CACNA1B: variants seen among roughly 807,000 people sequenced by gnomAD.
CACNA1B encodes the protein voltage-dependent N-type calcium channel subunit alpha-1B.
In CACNA1B, 70 loss-of-function variants were observed where a neutral mutation model predicts 247.2. That is an observed-to-expected ratio of 0.28 (90% CI 0.23 to 0.35). The LOEUF (loss-of-function observed/expected upper bound fraction) is 0.35, where lower values mean the gene tolerates loss of function less well. Among genes scored for constraint, CACNA1B ranks in the 10% least tolerant of loss-of-function variants. The pLI, the probability that CACNA1B is intolerant of heterozygous loss-of-function variation, is 1.00. For synonymous variants in CACNA1B, 1,231 were observed against 1,294.4 expected, an observed-to-expected ratio of 0.95 and a Z score of 1.05; for missense variants, 2,367 against 3,197.4, an observed-to-expected ratio of 0.74 and a Z score of 6.26.
At position 138,038,736 on chromosome 9, in the gene CACNA1B, C is replaced by G. The variant is rs112998461; in HGVS notation, c.3287-5038C>G. On this transcript the variant is annotated intron_variant, in intron 20 of 46. Transcript: ENST00000371372. ...CCTCCCTGTCTTGCTTTTGTCTTCC[C>G]GTCTGGAAGCCCGTCTCACCTCACG... Among the ~76,000 whole-genome samples the G allele has an allele frequency of 9.3e-3, 1,419 of 152,316 alleles. 9 individuals carry two copies. The highest frequency in any genetic ancestry group is 0.012 in the South Asian group (60 of 4,826).
At position 138,058,696 on chromosome 9, in the gene CACNA1B, C is replaced by A; in HGVS notation, c.4436C>A (p.Ala1479Asp). Residue 1479 changes from alanine to aspartate, a missense_variant, in exon 29 of 47, where the codon GCC (alanine) becomes GAC (aspartate). Physicochemically the swap from Ala to Asp is moderately radical, Grantham distance 126. This residue lies in a region of CACNA1B where 436 missense variants were observed against 679.5 expected (regional missense o/e 0.64). Coordinates refer to ENST00000371372, the MANE Select transcript of CACNA1B (RefSeq NM_000718.4). This position sits in a 1 kb window ranked among gnomAD's most constrained non-coding sequence, Gnocchi z 4.7. The part of the protein sequence containing the change: ...VSPPFEYFIM[A>D]MIALNTVVLM... ...CCGCCCTTTGAATACTTCATCATGG[C>A]CATGATAGCCCTCAACACTGTGGTG... The A allele has an allele frequency of 1.9e-6, 3 of 1,610,934 alleles. No individual in the cohort carries two copies. The highest frequency in any genetic ancestry group is 2.5e-6 in the Non-Finnish European group (3 of 1,178,526).
Position 137,979,966 on chromosome 9 carries a change from T to A in CACNA1B, c.1656+3947T>A, listed in dbSNP as rs112019615. Among the ~76,000 whole-genome samples the A allele has an allele frequency of 9.1e-3, 1,393 of 152,336 alleles. 8 individuals carry two copies. Among genetic ancestry groups the A allele is most frequent in the South Asian group, 0.012 (59 of 4,822 alleles). ...GGATTCTGAAATCCAGCTGGGCACA[T>A]GCGGGAAAGTCTGGGATTCATTGTT... On this transcript the variant is annotated intron_variant, in intron 12 of 46. Coordinates refer to ENST00000371372, the MANE Select transcript of CACNA1B (RefSeq NM_000718.4).
chr9:137,904,753 G>T (rs903370406), intron 3 of CACNA1B, among the ~76,000 whole-genome samples: 2 of 151,954 alleles, frequency 1.3e-5, no homozygotes, highest in Non-Finnish European at 2.9e-5. Flanking sequence ...ATCCTGGGTT[G>T]GTTCTTAACC....
intron 36 of CACNA1B, among the ~76,000 whole-genome samples, chr9:138,092,934 A>G (rs759146012): frequency 1.3e-5 from 2 of 152,222 alleles, no homozygotes; most frequent in Non-Finnish European, 1.5e-5. Flanking sequence ...AACTTGCAGA[A>G]TCAGAGAAAA....
At chr9:137,992,820 A>G in intron 15 of CACNA1B, among the ~76,000 whole-genome samples, 1 of 151,764 alleles carries the variant, frequency 6.6e-6, no homozygotes, top group East Asian at 1.9e-4. Context: ...AAAAATCTAT[A>G]TTATATCAAG....
Position 138,115,699 on chromosome 9 carries a change from A to T in CACNA1B, c.5777+20A>T, listed in dbSNP as rs202124450. On this transcript the variant is annotated intron_variant, in intron 42 of 46. Transcript: ENST00000371372. Reference sequence around the variant, plus strand: ...GGCCATGTGAGTATCCAGATGCAGGACATAGCTGGACAGGAGGAGGTCCAA... The same window carrying T: ...GGCCATGTGAGTATCCAGATGCAGGTCATAGCTGGACAGGAGGAGGTCCAA... 4.5e-5 allele frequency: 72 copies of T among 1,602,952 alleles called. 1 individual carries two copies. Among genetic ancestry groups the T allele is most frequent in the South Asian group, 3.6e-4 (32 of 89,722 alleles).
chr9:138,093,733 C>T (rs1431720215), intron 36 of CACNA1B, among the ~76,000 whole-genome samples: 1 of 151,312 alleles, frequency 6.6e-6, no homozygotes, highest in South Asian at 2.1e-4. Flanking sequence ...GAGCAAGACT[C>T]CATCTCAAAA....
intron 16 of CACNA1B, among the ~76,000 whole-genome samples, chr9:138,008,971 C>G (rs991133307): frequency 1.3e-5 from 2 of 152,222 alleles, no homozygotes; most frequent in Non-Finnish European, 2.9e-5. Context: ...CCCCCAATGG[C>G]CAGGGTCTGG....
intron 24 of CACNA1B, among the ~76,000 whole-genome samples, chr9:138,049,604 C>A (rs960820594): frequency 6.6e-6 from 1 of 152,040 alleles, no homozygotes; most frequent in African/African-American, 2.4e-5. Context: ...GGCTGGGAGG[C>A]CCTGGTGCGG....
intron 25 of CACNA1B, among the ~76,000 whole-genome samples, chr9:138,053,342 C>G (rs1284937098): frequency 1.3e-5 from 2 of 152,202 alleles, no homozygotes; most frequent in East Asian, 3.9e-4. Flanking sequence ...AGATGCCTCC[C>G]CTCACAAGAG....
At chr9:138,079,441 T>C (rs1225238671) in intron 36 of CACNA1B, among the ~76,000 whole-genome samples, 1 of 152,044 alleles carries the variant, frequency 6.6e-6, no homozygotes, top group East Asian at 1.9e-4. Flanking sequence ...TGCAAGATGA[T>C]GACCAAGAAT....
intron 6 of CACNA1B, among the ~76,000 whole-genome samples, chr9:137,929,864 G>A (rs908585273): frequency 3.3e-5 from 5 of 152,092 alleles, no homozygotes; most frequent in Admixed American, 6.5e-5. Flanking sequence ...GTGTTGCCCA[G>A]GCTGGTCTCA....
At chr9:137,980,728 T>G (rs1958284408) in intron 12 of CACNA1B, among the ~76,000 whole-genome samples, 1 of 152,238 alleles carries the variant, frequency 6.6e-6, no homozygotes, top group South Asian at 2.1e-4. Context: ...TGTGTATCCT[T>G]GTTTAGCTCC....
chr9:138,079,635 T>C (rs950489186), intron 36 of CACNA1B, among the ~76,000 whole-genome samples: 20 of 148,068 alleles, frequency 1.4e-4, no homozygotes, highest in African/African-American at 5.0e-4. Context: ...CCCAGCCACC[T>C]GGGGAGCTGA....
intron 36 of CACNA1B, among the ~76,000 whole-genome samples, chr9:138,082,397 G>T (rs777370249): frequency 2.8e-4 from 43 of 151,250 alleles, no homozygotes; most frequent in Non-Finnish European, 5.3e-4. Flanking sequence ...TGGCAGAAGA[G>T]GATTTACGGA....
At chr9:137,937,789 T>C (rs576054306) in intron 6 of CACNA1B, among the ~76,000 whole-genome samples, 2 of 150,806 alleles carry the variant, frequency 1.3e-5, no homozygotes, top group East Asian at 3.9e-4. Context: ...CTACTAAAAA[T>C]AGAAAAAATT....
rs142610001 is a variant in CACNA1B, at chr9:137,923,408, T to TA, written c.966+5978dup. Among the ~76,000 whole-genome samples, 1,490 of 149,632 alleles carry TA rather than the reference T, an allele frequency of 1.0e-2. 18 individuals are homozygous for TA. The highest frequency in any genetic ancestry group is 0.013 in the Non-Finnish European group (876 of 67,424). On this transcript the variant is annotated intron_variant, in intron 6 of 46. Transcript: ENST00000371372. ...CCAGGTGGTATTCCGTGGTGCCAGGTAGTATTCCATGGCTCCAGGTGGTAT... is the reference window on the plus strand; with the variant it reads ...CCAGGTGGTATTCCGTGGTGCCAGGTAAGTATTCCATGGCTCCAGGTGGTAT...
In CACNA1B at chr9:138,122,939, C is replaced by G. The variant is rs200502141; in HGVS notation, c.*940C>G. ...CGCGATGGCAGCCAGGTAGCAAGCC[C>G]TTGCCAGTGGAGAGCACTGGATGTC... is the stretch of plus-strand genomic sequence containing the variant. On this transcript the variant is annotated 3_prime_UTR_variant, in exon 47 of 47. Transcript: ENST00000371372. 1.3e-5 allele frequency: 2 copies of G among 152,304 alleles called. No individual in the cohort carries two copies. Among genetic ancestry groups the G allele is most frequent in the South Asian group, 4.1e-4 (2 of 4,836 alleles). The allele number at this position is 152,304 out of a possible 1,614,324, so 9.4% of individuals were successfully genotyped here. A position where few individuals can be genotyped will look rare whatever the true frequency, so the allele number is the denominator to read the frequency against.
At chr9:138,000,934 A>T (rs1564230944) in intron 15 of CACNA1B, among the ~76,000 whole-genome samples, 1 of 152,128 alleles carries the variant, frequency 6.6e-6, no homozygotes, top group Non-Finnish European at 1.5e-5. Context: ...TCCCTTGGTC[A>T]GTCTTGCTAT....
Sources: allele counts gnomAD v4.1 joint callset (sites outside exome capture counted in the v4.1 genomes callset), GRCh38; gene constraint gnomAD v4.1.1; regional missense constraint gnomAD v4.1.1; non-coding constraint Gnocchi (gnomAD v3.1); transcripts MANE v1.5; gene names NCBI Gene and HGNC (gene_info 2026-07-23, HGNC 2026-07-21).